The following CHL1 variants were observed in gnomAD, a reference collection of about 807,000 sequenced individuals.
CHL1 encodes the protein cell adhesion molecule L1 like, also known as neural cell adhesion molecule L1-like protein.
CHL1 carries 96 observed loss-of-function variants against 141.9 expected under a neutral mutation model. The ratio of observed to expected loss-of-function variants is 0.68; its 90% CI spans 0.57 to 0.80. The LOEUF is 0.80. Ranked by LOEUF, CHL1 falls within the 30% of genes least tolerant of loss-of-function variation. The pLI, the probability that CHL1 is intolerant of heterozygous loss-of-function variation, is 0.00. For missense variants in CHL1, 1,820 were observed against 1,457.2 expected (o/e 1.25, Z -4.05); for synonymous variants, 613 against 502.2 (o/e 1.22, Z -2.95).
intron 2 of CHL1, among the ~76,000 whole-genome samples, chr3:303,223 A>G (rs1322743691): frequency 2.0e-5 from 3 of 152,098 alleles, no homozygotes; most frequent in African/African-American, 7.2e-5. Flanking sequence ...TTGGATATGC[A>G]GGCTCTTTTT....
chr3:217,041 G>A (rs1700379248), intron 1 of CHL1, among the ~76,000 whole-genome samples: 1 of 152,160 alleles, frequency 6.6e-6, no homozygotes, highest in Non-Finnish European at 1.5e-5. Flanking sequence ...AAAGTCTGCA[G>A]GGGAAGGAAA....
chr3:254,616 C>A (rs1034482392), intron 2 of CHL1, among the ~76,000 whole-genome samples: 1 of 152,152 alleles, frequency 6.6e-6, no homozygotes, highest in Non-Finnish European at 1.5e-5. Context: ...ATACCACAGA[C>A]TGGATACCTT....
chr3:390,498 G>A (rs970353908), intron 20 of CHL1, among the ~76,000 whole-genome samples: 1 of 152,186 alleles, frequency 6.6e-6, no homozygotes. Flanking sequence ...TTGTTTCTCA[G>A]TGTGATACAG....
chr3:356,845 G>C (rs1703765460), intron 11 of CHL1, among the ~76,000 whole-genome samples: 1 of 152,196 alleles, frequency 6.6e-6, no homozygotes, highest in Non-Finnish European at 1.5e-5. Context: ...CATCGAAGTA[G>C]GGCCTTGGGA....
chr3:228,288 A>C (rs1203288379), intron 1 of CHL1, among the ~76,000 whole-genome samples: 1 of 151,604 alleles, frequency 6.6e-6, no homozygotes, highest in African/African-American at 2.4e-5. Context: ...TTTCGACAGG[A>C]TTACATTTAG....
intron 1 of CHL1, among the ~76,000 whole-genome samples, chr3:218,001 G>T (rs1036441450): frequency 1.3e-5 from 2 of 152,122 alleles, no homozygotes; most frequent in Non-Finnish European, 2.9e-5. Flanking sequence ...TTTATTTATT[G>T]TACTTCTATT....
At chr3:357,474 T>G (rs572062445) in intron 11 of CHL1, among the ~76,000 whole-genome samples, 1 of 152,308 alleles carries the variant, frequency 6.6e-6, no homozygotes, top group South Asian at 2.1e-4. Flanking sequence ...CATTGGCAAC[T>G]GAGACTCAGA....
chr3:307,949 C>T (rs926678887), intron 2 of CHL1, among the ~76,000 whole-genome samples: 1 of 152,118 alleles, frequency 6.6e-6, no homozygotes, highest in African/African-American at 2.4e-5. Flanking sequence ...TTTGTTGACA[C>T]TTTTAAGAAC....
intron 15 of CHL1, among the ~76,000 whole-genome samples, chr3:368,297 G>A (rs1230267746): frequency 4.6e-5 from 7 of 152,204 alleles, no homozygotes; most frequent in Admixed American, 1.3e-4. Flanking sequence ...ATTCTGACTG[G>A]CATGAGATGG....
chr3:316,053 A>G (rs966697335), intron 2 of CHL1, among the ~76,000 whole-genome samples: 4 of 151,960 alleles, frequency 2.6e-5, no homozygotes, highest in African/African-American at 9.7e-5. Flanking sequence ...TAGTGTGCAG[A>G]AAAGGCTTGC....
chr3:374,814 T>G (rs1341487229), intron 15 of CHL1, among the ~76,000 whole-genome samples: 1 of 152,190 alleles, frequency 6.6e-6, no homozygotes, highest in Admixed American at 6.5e-5. Context: ...TACAAAGCCA[T>G]ATCAGTAACC....
Position 281,357 on chromosome 3 carries a change from T to G in CHL1, c.-95+36665T>G, listed in dbSNP as rs184820291. ...AGAAAGGGACCTCACATCCAAGTGCTTGGGTACTGTGCTATCCTCTGGTTC... is the reference window on the plus strand; with the variant it reads ...AGAAAGGGACCTCACATCCAAGTGCGTGGGTACTGTGCTATCCTCTGGTTC... On this transcript the variant is annotated intron_variant, in intron 2 of 27. Coordinates refer to ENST00000256509, the MANE Select transcript of CHL1 (RefSeq NM_006614.4). Among the ~76,000 whole-genome samples the G allele has an allele frequency of 1.7e-3, 257 of 152,280 alleles. 1 individual carries two copies. Among genetic ancestry groups the G allele is most frequent in the Non-Finnish European group, 3.1e-3 (214 of 68,014 alleles).
At position 407,727 on chromosome 3, in the gene CHL1, GT is replaced by G. The variant is rs2106450851; in HGVS notation, c.*2021del. ...CTTCTTTGTCATCAGCCAAAACGTGGTTTTTAAAGAGAGTCATGCAGGTTAG... is the reference window on the plus strand; with the variant it reads ...CTTCTTTGTCATCAGCCAAAACGTGGTTTTAAAGAGAGTCATGCAGGTTAG... On this transcript the variant is annotated 3_prime_UTR_variant, in exon 28 of 28. Coordinates refer to ENST00000256509, the MANE Select transcript of CHL1 (RefSeq NM_006614.4). The G allele has an allele frequency of 6.6e-6, 1 of 152,264 alleles. No homozygotes were observed. The highest frequency in any genetic ancestry group is 2.1e-4 in the South Asian group (1 of 4,828). 9.4% of individuals were successfully genotyped at this position (152,264 alleles called of 1,614,324 possible).
chr3:371,351 A>G (rs949552854), intron 15 of CHL1, among the ~76,000 whole-genome samples: 10 of 151,950 alleles, frequency 6.6e-5, no homozygotes, highest in Admixed American at 1.3e-4. Flanking sequence ...TCCCTTTACC[A>G]CTATGTAATG....
intron 2 of CHL1, among the ~76,000 whole-genome samples, chr3:299,667 ACT>A (rs1332747465): frequency 1.3e-5 from 2 of 152,024 alleles, no homozygotes; most frequent in East Asian, 1.9e-4. Context: ...TGCCTCCATA[ACT>A]CTCTTACTGC....
chr3:246,952 G>C (rs1466148959), intron 2 of CHL1: 1 of 152,008 alleles, frequency 6.6e-6, no homozygotes, highest in African/African-American at 2.4e-5. Flanking sequence ...GTCACCTTGG[G>C]TAATGTGCCG....
intron 19 of CHL1, among the ~76,000 whole-genome samples, chr3:384,833 A>AAT (rs1707480526): frequency 2.6e-5 from 4 of 152,188 alleles, no homozygotes; most frequent in Admixed American, 6.5e-5. Flanking sequence ...AGAATTTTAG[A>AAT]ATGCACAAAG....
chr3:344,037 C>G (rs999948828), intron 8 of CHL1, among the ~76,000 whole-genome samples: 1 of 152,126 alleles, frequency 6.6e-6, no homozygotes, highest in Non-Finnish European at 1.5e-5. Flanking sequence ...AGGATGCTTA[C>G]TAGTCATTTC....
At chr3:397,091 G>C (rs941033217) in intron 24 of CHL1, among the ~76,000 whole-genome samples, 1 of 152,058 alleles carries the variant, frequency 6.6e-6, no homozygotes, top group Non-Finnish European at 1.5e-5. Flanking sequence ...AATCTAAGAG[G>C]GGAAAAGATG....
Sources: allele counts gnomAD v4.1 joint callset (sites outside exome capture counted in the v4.1 genomes callset), GRCh38; gene constraint gnomAD v4.1.1; transcripts MANE v1.5; gene names NCBI Gene and HGNC (gene_info 2026-07-23, HGNC 2026-07-21).